PTBP2: variants seen among roughly 807,000 people sequenced by gnomAD.
PTBP2 encodes the protein polypyrimidine tract-binding protein 2.
PTBP2 carries 13 observed loss-of-function variants against 61.4 expected under a neutral mutation model. The ratio of observed to expected loss-of-function variants is 0.21; its 90% confidence interval spans 0.14 to 0.34. The LOEUF is 0.34. Among genes scored for constraint, PTBP2 ranks in the 10% least tolerant of loss-of-function variants. The probability of loss-of-function intolerance (pLI) is 1.00; values close to 1 mark genes in which losing one functional copy is unlikely to be tolerated. For missense variants in PTBP2, 405 were observed against 642.6 expected, an observed-to-expected ratio of 0.63 and a Z score of 4.00; for synonymous variants, 215 against 218.5, an observed-to-expected ratio of 0.98 and a Z score of 0.14.
At chr1:96,747,265 G>A (rs1653961569) in intron 2 of PTBP2, among the ~76,000 whole-genome samples, 1 of 152,010 alleles carries the variant, frequency 6.6e-6, no homozygotes, top group Non-Finnish European at 1.5e-5. Flanking sequence ...GTTGATTGCT[G>A]GAAGTCTTGA....
intron 2 of PTBP2, among the ~76,000 whole-genome samples, chr1:96,743,058 G>C (rs951351110): frequency 2.0e-5 from 3 of 151,924 alleles, no homozygotes; most frequent in African/African-American, 4.8e-5. Context: ...AGGCTGAGGC[G>C]GGCAGATCAC....
intron 8 of PTBP2, among the ~76,000 whole-genome samples, chr1:96,794,540 C>T (rs1240095882): frequency 6.6e-6 from 1 of 152,152 alleles, no homozygotes. Context: ...TTTCATAGCC[C>T]TAGAAGGATG....
intron 3 of PTBP2, among the ~76,000 whole-genome samples, chr1:96,767,746 A>T (rs954998017): frequency 2.0e-5 from 3 of 152,116 alleles, no homozygotes; most frequent in African/African-American, 7.2e-5. Flanking sequence ...GTTAGATAAG[A>T]TACTACAAAA....
chr1:96,823,350 T>C lies in PTBP2; in HGVS notation c.*9945T>C, dbSNP rs911382353. 1.2e-4 allele frequency: 18 copies of C among 152,382 alleles called. No homozygotes were observed. The East Asian group carries it at 2.9e-3, about 24-fold the overall frequency. 9.4% of individuals were successfully genotyped at this position (152,382 alleles called of 1,614,324 possible). A position where few individuals can be genotyped will look rare whatever the true frequency, so the allele number is the denominator to read the frequency against. ...GGTCTCCCCAGGAATACTTGTTCAC[T>C]CTATACTATTGCTGCTGCTGTTCTG... On this transcript the variant is annotated 3_prime_UTR_variant, in exon 14 of 14. Coordinates refer to the PTBP2 transcript ENST00000609116.
intron 2 of PTBP2, among the ~76,000 whole-genome samples, chr1:96,738,170 A>G (rs1229066074): frequency 6.6e-6 from 1 of 152,224 alleles, no homozygotes; most frequent in Non-Finnish European, 1.5e-5. Context: ...AAATTGTAGC[A>G]AACATCTACT....
At chr1:96,729,513 C>A (rs1159726164) in intron 2 of PTBP2, among the ~76,000 whole-genome samples, 2 of 152,032 alleles carry the variant, frequency 1.3e-5, no homozygotes, top group Non-Finnish European at 2.9e-5. Flanking sequence ...AAAATTTCTT[C>A]CTTAACTGAC....
Position 96,751,469 on chromosome 1 carries a change from G to A in PTBP2, c.84G>A (p.Pro28=), listed in dbSNP as rs1449194049. Residue 28 remains proline (P), a synonymous_variant, in exon 3 of 14, where the codon CCG becomes CCA. Coordinates refer to ENST00000674951, the MANE Select transcript of PTBP2 (RefSeq NM_021190.4). ...TCTCAGGCAGTGTTCTCAGTAGTCC[G>A]AACTCTAATATGAGCAGCATGGTAG... ...ELLSGSVLSS[P]NSNMSSMVVT... The A allele has an allele frequency of 1.9e-6, 3 of 1,612,658 alleles. No homozygotes were observed. The highest frequency in any genetic ancestry group is 1.3e-5 in the African/African-American group (1 of 74,806).
At position 96,731,552 on chromosome 1, in the gene PTBP2, C is replaced by G. The variant is rs570082989; in HGVS notation, c.39+7958C>G. Among the ~76,000 whole-genome samples the G allele has an allele frequency of 1.6e-4, 24 of 152,192 alleles. No homozygotes were observed. In the East Asian group the frequency reaches 4.4e-3, roughly 28 times the overall value. On this transcript the variant is annotated intron_variant, in intron 2 of 13. Transcript: ENST00000674951. ...TTTGATGTGTAAACATTTTTAGCCT[C>G]AGCTTCTTCACCTTTTAAATTAGGA...
At chr1:96,768,819 A>C (rs1007112113) in intron 3 of PTBP2, among the ~76,000 whole-genome samples, 1 of 151,992 alleles carries the variant, frequency 6.6e-6, no homozygotes, top group Non-Finnish European at 1.5e-5. Flanking sequence ...TTAGACGGCA[A>C]TAGTAATATA....
Position 96,735,400 on chromosome 1 carries a change from T to C in PTBP2, c.39+11806T>C, listed in dbSNP as rs1459936693. ...GAATGAAAAGATGAGGGTTTGACTTTTATAGCATTGAACAGGTTAACCTCT... is the reference window on the plus strand; with the variant it reads ...GAATGAAAAGATGAGGGTTTGACTTCTATAGCATTGAACAGGTTAACCTCT... On this transcript the variant is annotated intron_variant, in intron 2 of 13. Coordinates refer to ENST00000674951, the MANE Select transcript of PTBP2 (RefSeq NM_021190.4). 2.6e-5 allele frequency among the ~76,000 whole-genome samples: 4 copies of C among 152,212 alleles called. No homozygotes were observed. The South Asian group carries it at 6.2e-4, about 24-fold the overall frequency.
chr1:96,757,944 A>C (rs1321679769), intron 3 of PTBP2, among the ~76,000 whole-genome samples: 2 of 152,060 alleles, frequency 1.3e-5, no homozygotes, highest in African/African-American at 4.8e-5. Flanking sequence ...CTATATTACA[A>C]AAAAAGGTTT....
At chr1:96,722,144 C>G (rs865853932) in intron 1 of PTBP2, among the ~76,000 whole-genome samples, 1 of 152,062 alleles carries the variant, frequency 6.6e-6, no homozygotes, top group Non-Finnish European at 1.5e-5. Flanking sequence ...ACCGGCTTGG[C>G]GGCGGGGGAT....
At chr1:96,774,721 A>AT (rs567818592) in intron 5 of PTBP2, among the ~76,000 whole-genome samples, 183 of 152,084 alleles carry the variant, frequency 1.2e-3, no homozygotes, top group African/African-American at 4.1e-3. Context: ...CCCTTCTGGA[A>AT]TTTTTTTCTC....
intron 2 of PTBP2, among the ~76,000 whole-genome samples, chr1:96,733,907 G>A (rs1214923707): frequency 2.0e-5 from 3 of 152,162 alleles, no homozygotes; most frequent in Non-Finnish European, 4.4e-5. Context: ...ATTGGCTTCA[G>A]TATTTCATGG....
intron 2 of PTBP2, among the ~76,000 whole-genome samples, chr1:96,727,778 C>G (rs1232347881): frequency 6.6e-6 from 1 of 152,030 alleles, no homozygotes; most frequent in Non-Finnish European, 1.5e-5. Context: ...ATTGTGGTTA[C>G]AAGTCCTTTA....
At chr1:96,765,827 A>C (rs1490521798) in intron 3 of PTBP2, among the ~76,000 whole-genome samples, 1 of 152,196 alleles carries the variant, frequency 6.6e-6, no homozygotes, top group African/African-American at 2.4e-5. Flanking sequence ...ACAGCATGGG[A>C]AACTAACAAT....
chr1:96,780,532 C>T (rs1239964901), intron 7 of PTBP2, among the ~76,000 whole-genome samples: 2 of 152,030 alleles, frequency 1.3e-5, no homozygotes, highest in Non-Finnish European at 2.9e-5. Context: ...TGATTTAGTC[C>T]TTGTCTTACT....
At chr1:96,747,740 G>C (rs1191302822) in intron 2 of PTBP2, among the ~76,000 whole-genome samples, 11 of 151,978 alleles carry the variant, frequency 7.2e-5, no homozygotes, top group Non-Finnish European at 1.3e-4. Context: ...TGCTCCATAA[G>C]GTTATTCACT....
intron 2 of PTBP2, among the ~76,000 whole-genome samples, chr1:96,742,128 T>C (rs1466491176): frequency 6.6e-6 from 1 of 152,250 alleles, no homozygotes; most frequent in Admixed American, 6.5e-5. Context: ...ATTTAGTAGT[T>C]AATTGGGAGA....
Sources: gnomAD v4.1 joint callset for allele counts (sites outside exome capture counted in the v4.1 genomes callset) on GRCh38, gnomAD v4.1.1 for gene constraint, MANE v1.5 for transcripts, NCBI Gene and HGNC (gene_info 2026-07-23, HGNC 2026-07-21) for gene names.